MAPKAPK5: variants seen among roughly 807,000 people sequenced by gnomAD.
The protein encoded by MAPKAPK5 is MAP kinase-activated protein kinase 5.
MAPKAPK5 carries 30 observed loss-of-function variants against 65.1 expected under a neutral mutation model. That is an observed-to-expected ratio of 0.46 (90% CI 0.34 to 0.63). MAPKAPK5 has a LOEUF of 0.63. Among genes scored for constraint, MAPKAPK5 ranks in the 20% least tolerant of loss-of-function variants. The pLI is 0.01. For synonymous variants in MAPKAPK5, 179 were observed against 204.6 expected, an observed-to-expected ratio of 0.87 and a Z score of 1.07; for missense variants, 433 against 581.4, an observed-to-expected ratio of 0.74 and a Z score of 2.63.
chr12:111,886,162 C>G (rs1175199953), intron 10 of MAPKAPK5, 126 bp downstream of exon 10: 3 of 1,372,134 alleles, frequency 2.2e-6, no homozygotes, highest in Non-Finnish European at 3.0e-6. Flanking sequence ...AGAAACATCT[C>G]TGGTTTCCTG....
At chr12:111,865,136 TTC>T (rs2069558990) in intron 1 of MAPKAPK5, 112 bp from the exon 2 acceptor site, 2 of 647,950 alleles carry the variant, frequency 3.1e-6, no homozygotes, top group East Asian at 5.5e-5. Flanking sequence ...GCTTATCAGA[TTC>T]TCTTAGAAGA....
rs982695028 is a variant in MAPKAPK5 at position 111,897,350 on chromosome 12, A to G, written c.*4289A>G. The stretch of plus-strand genomic sequence containing the variant: ...TGGTAATTGTTGGTCAAAGAAGCCA[A>G]AAGATTTAAATAAGGTCTTGTGTGT... On this transcript the variant is annotated 3_prime_UTR_variant, in exon 14 of 14. Transcript: ENST00000550735. The G allele has an allele frequency of 6.6e-6, 1 of 152,208 alleles. No individual in the cohort carries two copies. The highest frequency in any genetic ancestry group is 2.4e-5 in the African/African-American group (1 of 41,452). The allele number at this position is 152,208 out of a possible 1,614,324, so 9.4% of individuals were successfully genotyped here. A position where few individuals can be genotyped will look rare whatever the true frequency, so the allele number is the denominator to read the frequency against.
At chr12:111,870,197 T>G in intron 5 of MAPKAPK5, 74 bp from the exon 6 acceptor site, 7 of 984,974 alleles carry the variant, frequency 7.1e-6, no homozygotes, top group Non-Finnish European at 1.0e-5. Context: ...TTTGACATCC[T>G]GAGTTCTCTA....
At position 111,883,875 on chromosome 12, in the gene MAPKAPK5, C is replaced by T; in HGVS notation, c.848+107C>T. Reference sequence around the variant, plus strand: ...CACTGGTTTCCTAGGCAGGCTCCTCCCCGTTTTAATATCACAGAAATCTCT... The same window carrying T: ...CACTGGTTTCCTAGGCAGGCTCCTCTCCGTTTTAATATCACAGAAATCTCT... On this transcript the variant is annotated intron_variant, in intron 9 of 13. Transcript: ENST00000550735. The surrounding 1 kb of genome is among the most constrained non-coding windows in gnomAD (Gnocchi z 4.8). 8.8e-7 allele frequency: 1 copy of T among 1,140,692 alleles called. No individual in the cohort carries two copies. Among genetic ancestry groups the T allele is most frequent in the Non-Finnish European group, 1.2e-6 (1 of 819,994 alleles). 70.7% of individuals were successfully genotyped at this position (1,140,692 alleles called of 1,614,324 possible).
intron 8 of MAPKAPK5, chr12:111,882,695 A>G (rs1427293074): frequency 3.7e-6 from 2 of 537,672 alleles, no homozygotes; most frequent in Middle Eastern, 1.9e-3. Flanking sequence ...TTTTCACAGT[A>G]TCTTCCCCCA....
At chr12:111,868,581 T>G (rs1172990357) in intron 4 of MAPKAPK5, among the ~76,000 whole-genome samples, 172 bp from the exon 5 acceptor site, 1 of 152,176 alleles carries the variant, frequency 6.6e-6, no homozygotes, top group Non-Finnish European at 1.5e-5. Context: ...AATTTTTTTT[T>G]TCAGAACATG....
chr12:111,844,807 CAG>C (rs1187472746), intron 1 of MAPKAPK5, among the ~76,000 whole-genome samples: 1 of 152,166 alleles, frequency 6.6e-6, no homozygotes, highest in African/African-American at 2.4e-5. Flanking sequence ...ACCACTGTCT[CAG>C]GGAAGAGTAT....
rs1165158003 is a variant in MAPKAPK5, at chr12:111,894,566, G to A, written c.*1505G>A. The A allele has an allele frequency of 5.9e-5, 9 of 151,468 alleles. No homozygotes were observed. Among genetic ancestry groups the A allele is most frequent in the African/African-American group, 1.9e-4 (8 of 41,174 alleles). 9.4% of individuals were successfully genotyped at this position (151,468 alleles called of 1,614,324 possible). ...TTTTGGTTTTTTTTTTTATAAGGCT[G>A]CCCTGTTTCTCTGTAATATGTCTGT... On this transcript the variant is annotated 3_prime_UTR_variant, in exon 14 of 14. Coordinates refer to ENST00000550735, the MANE Select transcript of MAPKAPK5 (RefSeq NM_003668.4).
At chr12:111,848,825 G>T (rs1341720710) in intron 1 of MAPKAPK5, among the ~76,000 whole-genome samples, 2 of 151,804 alleles carry the variant, frequency 1.3e-5, no homozygotes, top group African/African-American at 4.8e-5. Context: ...TTCCTCCGGG[G>T]TTCAAGCGAT....
rs550664000 is a variant in MAPKAPK5 at position 111,843,279 on chromosome 12, C to T, written c.36+510C>T. The stretch of plus-strand genomic sequence containing the variant: ...TCCTCACTTTTCCGTGTATTCTCCC[C>T]TTTTTCTTTTTCCTCTTCTTTCTCC... On this transcript the variant is annotated intron_variant, in intron 1 of 13. Transcript: ENST00000550735. The T allele has an allele frequency of 3.3e-5, 13 of 398,654 alleles. No individual in the cohort carries two copies. The South Asian group carries it at 3.8e-4, about 12-fold the overall frequency. 24.7% of individuals were successfully genotyped at this position (398,654 alleles called of 1,614,324 possible). A position where few individuals can be genotyped will look rare whatever the true frequency, so the allele number is the denominator to read the frequency against.
At chr12:111,865,042 T>C (rs1354314280) in intron 1 of MAPKAPK5, among the ~76,000 whole-genome samples, 1 of 152,216 alleles carries the variant, frequency 6.6e-6, no homozygotes, top group Non-Finnish European at 1.5e-5. Flanking sequence ...AGTCTTTGCT[T>C]TCTTGTTGGA....
In MAPKAPK5 at chr12:111,899,670, G is replaced by T; in HGVS notation, c.*6609G>T. The T allele has an allele frequency of 3.4e-6, 1 of 297,998 alleles. No individual in the cohort carries two copies. Among genetic ancestry groups the T allele is most frequent in the Admixed American group, 4.2e-5 (1 of 23,912 alleles). The allele number at this position is 297,998 out of a possible 1,614,324, so 18.5% of individuals were successfully genotyped here. ...TTACCACAATGGCCTCCTGGGGCAA[G>T]AATCGCCTTTCATCTCACATGACTG... On this transcript the variant is annotated 3_prime_UTR_variant, in exon 14 of 14. Coordinates refer to ENST00000550735, the MANE Select transcript of MAPKAPK5 (RefSeq NM_003668.4).
chr12:111,891,586 G>A (rs1454662829), intron 13 of MAPKAPK5, among the ~76,000 whole-genome samples: 1 of 141,180 alleles, frequency 7.1e-6, no homozygotes, highest in Non-Finnish European at 1.5e-5. Flanking sequence ...GAGGTCAGGA[G>A]ATCAAGACCA....
intron 7 of MAPKAPK5, among the ~76,000 whole-genome samples, chr12:111,878,410 T>C (rs1380647590): frequency 7.3e-6 from 1 of 136,602 alleles, no homozygotes; most frequent in African/African-American, 2.7e-5. Flanking sequence ...ATTTATTTAT[T>C]ATTTATTTAT....
chr12:111,873,408 A>G (rs2069850118), intron 7 of MAPKAPK5, among the ~76,000 whole-genome samples: 1 of 151,990 alleles, frequency 6.6e-6, no homozygotes, highest in Non-Finnish European at 1.5e-5. Context: ...CAATGGCGCG[A>G]TCTCGACTCA....
rs1317190244 is a variant in MAPKAPK5 at position 111,898,204 on chromosome 12, TGTTGCCCAG to T, written c.*5148_*5156del. 6.6e-6 allele frequency: 1 copy of T among 152,062 alleles called. No homozygotes were observed. 9.4% of individuals were successfully genotyped at this position (152,062 alleles called of 1,614,324 possible). A position where few individuals can be genotyped will look rare whatever the true frequency, so the allele number is the denominator to read the frequency against. On this transcript the variant is annotated 3_prime_UTR_variant, in exon 14 of 14. Coordinates refer to ENST00000550735, the MANE Select transcript of MAPKAPK5 (RefSeq NM_003668.4). Reference sequence around the variant, plus strand: ...TTTTTTTTGAGACGGATTCTCACTCTGTTGCCCAGGTTGGAGTGCAATGGTGTGATCTCG... The same window carrying T: ...TTTTTTTTGAGACGGATTCTCACTCTGTTGGAGTGCAATGGTGTGATCTCG...
chr12:111,843,431 T>C (rs1233026473), intron 1 of MAPKAPK5: 12 of 396,918 alleles, frequency 3.0e-5, no homozygotes, highest in Admixed American at 1.3e-4. Context: ...AAACCTGTTT[T>C]TAACTTTTTT....
intron 8 of MAPKAPK5, chr12:111,882,788 A>C: frequency 1.0e-6 from 1 of 985,470 alleles, no homozygotes; most frequent in Non-Finnish European, 1.2e-6. Flanking sequence ...TCTTCCCTCC[A>C]GTCCTCTCCA....
intron 10 of MAPKAPK5, among the ~76,000 whole-genome samples, chr12:111,887,245 A>G (rs1248676545): frequency 6.6e-6 from 1 of 152,230 alleles, no homozygotes; most frequent in Non-Finnish European, 1.5e-5. Context: ...TGGAAAGTAC[A>G]GTTCTCTGCC....
Sources: gnomAD v4.1 joint callset for allele counts (sites outside exome capture counted in the v4.1 genomes callset) on GRCh38, gnomAD v4.1.1 for gene constraint, Gnocchi (gnomAD v3.1) non-coding constraint, MANE v1.5 for transcripts, NCBI Gene and HGNC (gene_info 2026-07-23, HGNC 2026-07-21) for gene names.